CELF1: variants seen among roughly 807,000 people sequenced by gnomAD.
CELF1 encodes the protein CUGBP Elav-like family member 1, also known as 50 kDa nuclear polyadenylated RNA-binding protein.
Under a neutral mutation model 61.8 loss-of-function variants are expected in CELF1, and 10 were observed. The observed-to-expected ratio is 0.16, with a 90% CI of 0.10 to 0.27. The LOEUF is 0.27. Among genes scored for constraint, CELF1 ranks in the 10% least tolerant of loss-of-function variants. The pLI, the probability that CELF1 is intolerant of heterozygous loss-of-function variation, is 1.00. For missense variants in CELF1, 380 were observed against 639.1 expected, an observed-to-expected ratio of 0.59 and a Z score of 4.37; for synonymous variants, 236 against 225.1, an observed-to-expected ratio of 1.05 and a Z score of -0.43.
intron 1 of CELF1, among the ~76,000 whole-genome samples, chr11:47,531,724 T>C (rs1020384542): frequency 1.3e-5 from 2 of 152,240 alleles, no homozygotes; most frequent in African/African-American, 4.8e-5. Context: ...GCTTCTGATT[T>C]TGCCTTAGAA....
At chr11:47,479,949 G>A (rs954779662) in intron 9 of CELF1, among the ~76,000 whole-genome samples, 17 of 151,884 alleles carry the variant, frequency 1.1e-4, no homozygotes, top group Admixed American at 8.5e-4. Context: ...CTTTCCCCCC[G>A]CTTCTCAAAG....
chr11:47,484,071 A>C (rs1344952212), intron 7 of CELF1, among the ~76,000 whole-genome samples: 1 of 152,154 alleles, frequency 6.6e-6, no homozygotes, highest in Non-Finnish European at 1.5e-5. Flanking sequence ...AGTGGCTCAC[A>C]CCTACAATCC....
upstream of CELF1, among the ~76,000 whole-genome samples, chr11:47,556,390 G>A (rs766799458): frequency 6.6e-6 from 1 of 152,032 alleles, no homozygotes; most frequent in Non-Finnish European, 1.5e-5. Context: ...TCACTATGTT[G>A]CCCAGGCTGA....
intron 3 of CELF1, among the ~76,000 whole-genome samples, chr11:47,498,761 T>C (rs748696825): frequency 1.3e-5 from 2 of 152,206 alleles, no homozygotes; most frequent in Non-Finnish European, 2.9e-5. Flanking sequence ...TTTGGCTGTG[T>C]ACAACAGCAG....
At position 47,467,588 on chromosome 11, in the gene CELF1, T is replaced by G. The variant is rs1317169534; in HGVS notation, c.*4642A>C. 1 of 152,338 alleles carries G rather than the reference T, an allele frequency of 6.6e-6. No homozygotes were observed. The highest frequency in any genetic ancestry group is 1.5e-5 in the Non-Finnish European group (1 of 68,176). 9.4% of individuals were successfully genotyped at this position (152,338 alleles called of 1,614,324 possible). On this transcript the variant is annotated 3_prime_UTR_variant, in exon 15 of 15. Transcript: ENST00000687097. ...ATTGCCGCTTGGTGTGCAGATGGCC[T>G]CCTACGGGTGATTGGGAGCGCCCTC...
intron 1 of CELF1, among the ~76,000 whole-genome samples, chr11:47,509,172 G>A (rs1370639890): frequency 6.6e-6 from 1 of 152,190 alleles, no homozygotes; most frequent in Non-Finnish European, 1.5e-5. Flanking sequence ...TTTGGTGAGA[G>A]AGAAGAGCTG....
In CELF1 at chr11:47,469,310, G is replaced by A. The variant is rs2077188339; in HGVS notation, c.*2920C>T. 1 of 152,244 alleles carries A rather than the reference G, an allele frequency of 6.6e-6. No individual in the cohort carries two copies. The highest frequency in any genetic ancestry group is 1.5e-5 in the Non-Finnish European group (1 of 68,068). The allele number at this position is 152,244 out of a possible 1,614,324, so 9.4% of individuals were successfully genotyped here. The stretch of plus-strand genomic sequence containing the variant: ...CAGAATTTCTGCTCAATCTTATGGG[G>A]ATGGCCCTTTGTTCCCAGAAATCCA... On this transcript the variant is annotated 3_prime_UTR_variant, in exon 15 of 15. Transcript: ENST00000687097.
chr11:47,473,016 C>T, intron 14 of CELF1, 72 bp downstream of exon 14: 1 of 1,524,974 alleles, frequency 6.6e-7, no homozygotes, highest in Non-Finnish European at 8.9e-7. Flanking sequence ...TCAGATCTTT[C>T]TGCAGTGAGC....
chr11:47,552,000 C>G (rs1015421116), intron 1 of CELF1, among the ~76,000 whole-genome samples: 1 of 143,196 alleles, frequency 7.0e-6, no homozygotes, highest in East Asian at 2.0e-4. Flanking sequence ...GCAACAAGAG[C>G]GAAACTCCGT....
At chr11:47,487,814 T>C (rs528567710) in intron 4 of CELF1, among the ~76,000 whole-genome samples, 23 of 152,362 alleles carry the variant, frequency 1.5e-4, no homozygotes, top group African/African-American at 5.0e-4. Flanking sequence ...TAAAAGCACA[T>C]GGTGCTGCCT....
chr11:47,475,784 A>G (rs1249586098), intron 12 of CELF1, among the ~76,000 whole-genome samples: 3 of 152,118 alleles, frequency 2.0e-5, no homozygotes, highest in African/African-American at 7.2e-5. Context: ...GAGAGCCTCC[A>G]TTTTCTATCT....
At chr11:47,556,758 G>C (rs2097206884), upstream of CELF1, among the ~76,000 whole-genome samples, 1 of 152,162 alleles carries the variant, frequency 6.6e-6, no homozygotes, top group African/African-American at 2.4e-5. Flanking sequence ...ATGTACATCT[G>C]CAGTTCCAAC....
intron 1 of CELF1, among the ~76,000 whole-genome samples, chr11:47,530,979 G>A (rs1009945384): frequency 6.6e-6 from 1 of 152,094 alleles, no homozygotes; most frequent in Non-Finnish European, 1.5e-5. Flanking sequence ...CGGCGTGGTA[G>A]CTCATGCCTG....
At position 47,545,870 on chromosome 11, in the gene CELF1, C is replaced by CTGT. The variant is rs1565908910; in HGVS notation, c.-154+7121_-154+7122insACA. 1.5e-4 allele frequency among the ~76,000 whole-genome samples: 14 copies of CTGT among 91,796 alleles called. No homozygotes were observed. In the South Asian group the frequency reaches 3.1e-3, roughly 21 times the overall value. The allele number at this position is 91,796 out of a possible 152,430, so 60.2% of individuals were successfully genotyped here. On this transcript the variant is annotated intron_variant, in intron 1 of 14. Coordinates refer to ENST00000687097, the MANE Select transcript of CELF1 (RefSeq NM_001376376.1). Reference sequence around the variant, plus strand: ...GTATACGTGTGTGTGTGTGTGTCTGCGTGTGTGTGTGTGTGTGTGTGTGTG... The same window carrying CTGT: ...GTATACGTGTGTGTGTGTGTGTCTGCTGTGTGTGTGTGTGTGTGTGTGTGTGTG...
chr11:47,558,936 C>T (rs1271941115), intron 2 of CELF1, among the ~76,000 whole-genome samples: 11 of 130,250 alleles, frequency 8.4e-5, no homozygotes, highest in South Asian at 4.6e-4. Context: ...GTATATAATG[C>T]GGTATGTAAT....
chr11:47,519,500 T>C (rs1243279539), intron 1 of CELF1, among the ~76,000 whole-genome samples: 1 of 149,392 alleles, frequency 6.7e-6, no homozygotes, highest in Non-Finnish European at 1.5e-5. Flanking sequence ...AATAAATAAA[T>C]AAATAAATAA....
Position 47,472,352 on chromosome 11 carries a change from C to A in CELF1, c.1423G>T (p.Val475Leu), listed in dbSNP as rs2077960639. The A allele has an allele frequency of 6.2e-7, 1 of 1,613,794 alleles. No individual in the cohort carries two copies. Among genetic ancestry groups the A allele is most frequent in the Non-Finnish European group, 8.5e-7 (1 of 1,179,842 alleles). The change falls in exon 15 of 15, where the codon GTA becomes TTA. Residue 475 changes from valine to leucine, a missense_variant. Transcript: ENST00000687097. The part of the protein sequence containing the change: ...QTNLSKCFGF[V>L]SYDNPVSAQA... Reference sequence around the variant, plus strand: ...GCCGAAACAGGATTGTCGTAACTTACAAAACCTGTGTGTCCAAGCAGAAAC... The same window carrying A: ...GCCGAAACAGGATTGTCGTAACTTAAAAAACCTGTGTGTCCAAGCAGAAAC...
intron 1 of CELF1, among the ~76,000 whole-genome samples, chr11:47,520,212 C>T (rs2095811347): frequency 6.6e-6 from 1 of 152,098 alleles, no homozygotes; most frequent in African/African-American, 2.4e-5. Context: ...GAAAATGTTA[C>T]CATAAATGTG....
intron 3 of CELF1, among the ~76,000 whole-genome samples, chr11:47,495,106 C>T (rs2092816905): frequency 1.3e-5 from 2 of 152,196 alleles, no homozygotes; most frequent in African/African-American, 4.8e-5. Context: ...CACTACTTTA[C>T]AGAATCTGGA....
Sources: gnomAD v4.1 joint callset for allele counts (sites outside exome capture counted in the v4.1 genomes callset) on GRCh38, gnomAD v4.1.1 for gene constraint, MANE v1.5 for transcripts, NCBI Gene and HGNC (gene_info 2026-07-23, HGNC 2026-07-21) for gene names.